The following BACH2 variants were observed in gnomAD, a reference collection of about 807,000 sequenced individuals.
The protein encoded by BACH2 is BACH transcriptional regulator 2.
Under a neutral mutation model 61.8 loss-of-function variants are expected in BACH2, and 5 were observed. The observed-to-expected ratio is 0.08, with a 90% CI of 0.04 to 0.17. The LOEUF (loss-of-function observed/expected upper bound fraction) is 0.17, where lower values mean the gene tolerates loss of function less well. Among genes scored for constraint, BACH2 ranks in the 10% least tolerant of loss-of-function variants. The pLI, the probability that BACH2 is intolerant of heterozygous loss-of-function variation, is 1.00. For missense variants in BACH2, 824 were observed against 1,091.1 expected, an observed-to-expected ratio of 0.76 and a Z score of 3.45; for synonymous variants, 446 against 440.1, an observed-to-expected ratio of 1.01 and a Z score of -0.17.
At chr6:90,146,452 C>G (rs928400949) in intron 4 of BACH2, among the ~76,000 whole-genome samples, 1 of 152,216 alleles carries the variant, frequency 6.6e-6, no homozygotes, top group Non-Finnish European at 1.5e-5. Flanking sequence ...TTCTGAGGCA[C>G]AGATTCTGTC....
intron 4 of BACH2, among the ~76,000 whole-genome samples, chr6:90,165,892 T>C (rs1767594896): frequency 6.6e-6 from 1 of 152,196 alleles, no homozygotes; most frequent in South Asian, 2.1e-4. Flanking sequence ...CCTTACACCT[T>C]ATACAAAAAT....
chr6:89,935,362 C>G (rs1419803112), intron 8 of BACH2, among the ~76,000 whole-genome samples: 1 of 152,162 alleles, frequency 6.6e-6, no homozygotes, highest in Non-Finnish European at 1.5e-5. Context: ...ACTGCTTGGG[C>G]GCTGGGAGAG....
chr6:90,038,866 GTC>G lies in BACH2; in HGVS notation c.-12-30012_-12-30011del, dbSNP rs369402668. On this transcript the variant is annotated intron_variant, in intron 5 of 8. Coordinates refer to ENST00000257749, the MANE Select transcript of BACH2 (RefSeq NM_021813.4). ...AGCCTGGCCGACATGGTGAAACCCT[GTC>G]TCTCTACTAAAAATACAAAAAATTA... is the stretch of plus-strand genomic sequence containing the variant. Among the ~76,000 whole-genome samples the G allele has an allele frequency of 0.012, 1,819 of 151,810 alleles. 55 individuals are homozygous for G. The East Asian group carries it at 0.14, about 11-fold the overall frequency.
chr6:90,079,264 A>C (rs545178264), intron 5 of BACH2, among the ~76,000 whole-genome samples: 5 of 152,150 alleles, frequency 3.3e-5, no homozygotes, highest in Non-Finnish European at 7.4e-5. Flanking sequence ...GCGTGTGCTC[A>C]TCCTTGTCCC....
At chr6:90,065,237 G>A (rs956686506) in intron 5 of BACH2, among the ~76,000 whole-genome samples, 2 of 141,922 alleles carry the variant, frequency 1.4e-5, no homozygotes, top group Non-Finnish European at 3.0e-5. Context: ...AAAGCAGTAG[G>A]TCCTGCTGCC....
chr6:90,268,932 TAAG>T (rs1771431458), intron 2 of BACH2, among the ~76,000 whole-genome samples: 1 of 152,154 alleles, frequency 6.6e-6, no homozygotes, highest in Non-Finnish European at 1.5e-5. Context: ...GGTAAATAAT[TAAG>T]TTCATTCTTG....
At chr6:90,062,909 T>G in intron 5 of BACH2, 1 of 985,346 alleles carries the variant, frequency 1.0e-6, no homozygotes, top group Non-Finnish European at 1.2e-6. Context: ...CTTGAACACA[T>G]TCCAGTTCCT....
At chr6:90,100,323 T>C (rs1281490488) in intron 4 of BACH2, among the ~76,000 whole-genome samples, 1 of 152,212 alleles carries the variant, frequency 6.6e-6, no homozygotes, top group South Asian at 2.1e-4. Flanking sequence ...GTAGGATGGT[T>C]AATTTTATGT....
intron 4 of BACH2, among the ~76,000 whole-genome samples, chr6:90,098,756 C>G (rs562753517): frequency 1.6e-4 from 24 of 152,284 alleles, no homozygotes; most frequent in African/African-American, 5.8e-4. Flanking sequence ...CATGGAGCAT[C>G]CAGGGTAACT....
intron 4 of BACH2, among the ~76,000 whole-genome samples, chr6:90,151,188 C>A (rs896607442): frequency 6.6e-6 from 1 of 152,138 alleles, no homozygotes; most frequent in African/African-American, 2.4e-5. Flanking sequence ...AAATCCTATG[C>A]GTTTTAAAAC....
At chr6:90,081,311 C>T (rs1356604070) in intron 5 of BACH2, among the ~76,000 whole-genome samples, 1 of 152,106 alleles carries the variant, frequency 6.6e-6, no homozygotes, top group Non-Finnish European at 1.5e-5. Context: ...TGAAGGAAGG[C>T]GGCCAAATCG....
intron 2 of BACH2, among the ~76,000 whole-genome samples, chr6:90,265,622 T>G (rs535042955): frequency 4.9e-4 from 75 of 152,284 alleles, no homozygotes; most frequent in African/African-American, 1.8e-3. Context: ...CTTTACCACT[T>G]AAAACACTTT....
intron 4 of BACH2, among the ~76,000 whole-genome samples, chr6:90,199,113 G>A (rs1768867349): frequency 6.6e-6 from 1 of 152,154 alleles, no homozygotes; most frequent in Admixed American, 6.5e-5. Context: ...AAATTACCCA[G>A]TCTCAGGTAT....
At chr6:90,286,719 T>C (rs1772027621) in intron 1 of BACH2, among the ~76,000 whole-genome samples, 1 of 152,140 alleles carries the variant, frequency 6.6e-6, no homozygotes, top group African/African-American at 2.4e-5. Flanking sequence ...TGGTTTCAAT[T>C]GATAGTTTCA....
intron 2 of BACH2, among the ~76,000 whole-genome samples, chr6:90,267,462 G>A (rs778732276): frequency 5.3e-5 from 8 of 152,166 alleles, no homozygotes; most frequent in Non-Finnish European, 8.8e-5. Flanking sequence ...TTTTGCAGGT[G>A]TGACTCTACA....
At chr6:90,051,114 T>C (rs1013047354) in intron 5 of BACH2, among the ~76,000 whole-genome samples, 2 of 152,174 alleles carry the variant, frequency 1.3e-5, no homozygotes, top group African/African-American at 2.4e-5. Flanking sequence ...TTGAGAACAA[T>C]TGACCTGAGC....
At chr6:89,994,074 A>G (rs890633202) in intron 6 of BACH2, among the ~76,000 whole-genome samples, 6 of 152,216 alleles carry the variant, frequency 3.9e-5, no homozygotes, top group Non-Finnish European at 8.8e-5. Context: ...GACTTACCAA[A>G]GCACACGCTT....
At chr6:89,986,043 C>A (rs1257716516) in intron 6 of BACH2, among the ~76,000 whole-genome samples, 1 of 152,156 alleles carries the variant, frequency 6.6e-6, no homozygotes, top group African/African-American at 2.4e-5. Flanking sequence ...TTAAGCCTTG[C>A]ATCTGAGAAA....
chr6:90,166,225 C>T (rs759949663), intron 4 of BACH2, among the ~76,000 whole-genome samples: 3 of 151,928 alleles, frequency 2.0e-5, no homozygotes, highest in Non-Finnish European at 4.4e-5. Context: ...AAAAACAACC[C>T]CATCAACAAG....
Sources: allele counts gnomAD v4.1 joint callset (sites outside exome capture counted in the v4.1 genomes callset), GRCh38; gene constraint gnomAD v4.1.1; transcripts MANE v1.5; gene names NCBI Gene and HGNC (gene_info 2026-07-23, HGNC 2026-07-21).